The following HNF4G variants were observed in gnomAD, a reference collection of about 807,000 sequenced individuals.
HNF4G encodes the protein hepatocyte nuclear factor 4-gamma.
A neutral mutation model predicts 50.9 loss-of-function variants in HNF4G; 21 were observed. That is an observed-to-expected ratio of 0.41 (90% confidence interval 0.29 to 0.59). The LOEUF is 0.59. Ranked by LOEUF, HNF4G falls within the 20% of genes least tolerant of loss-of-function variation. HNF4G has a pLI of 0.26. For synonymous variants in HNF4G, 198 were observed against 185.6 expected (o/e 1.07, Z -0.54); for missense variants, 527 against 559.4 (o/e 0.94, Z 0.58).
intron 2 of HNF4G, among the ~76,000 whole-genome samples, chr8:75,531,676 A>G (rs1208718884): frequency 6.6e-6 from 1 of 152,104 alleles, no homozygotes; most frequent in African/African-American, 2.4e-5. Flanking sequence ...TAAATAAATG[A>G]AAAATAATAA....
intron 1 of HNF4G, among the ~76,000 whole-genome samples, chr8:75,476,766 C>A (rs1309812097): frequency 6.6e-6 from 1 of 152,090 alleles, no homozygotes; most frequent in Non-Finnish European, 1.5e-5. Context: ...GCTATGCAGG[C>A]CAGTTTAATC....
intron 9 of HNF4G, among the ~76,000 whole-genome samples, chr8:75,562,096 C>A (rs1807326748): frequency 6.6e-6 from 1 of 151,828 alleles, no homozygotes. Flanking sequence ...ACACTTATTG[C>A]CTACTGAATT....
chr8:75,457,082 C>T (rs1008922529), intron 1 of HNF4G, among the ~76,000 whole-genome samples: 2 of 152,138 alleles, frequency 1.3e-5, no homozygotes, highest in African/African-American at 4.8e-5. Context: ...TTATAATAGT[C>T]TCTAATATAT....
intron 1 of HNF4G, among the ~76,000 whole-genome samples, chr8:75,470,181 C>T (rs901724971): frequency 6.6e-6 from 1 of 152,140 alleles, no homozygotes; most frequent in Non-Finnish European, 1.5e-5. Context: ...AAGTCAGTGG[C>T]CTTCTCCTGG....
chr8:75,547,462 T>G (rs573767189), intron 2 of HNF4G, 125 bp from the exon 3 acceptor site: 1 of 666,720 alleles, frequency 1.5e-6, no homozygotes, highest in Non-Finnish European at 2.6e-6. Context: ...TCATAGCTGA[T>G]TGTTCCTATA....
chr8:75,539,167 A>G (rs757571287), upstream of HNF4G, among the ~76,000 whole-genome samples: 1 of 152,198 alleles, frequency 6.6e-6, no homozygotes, highest in East Asian at 1.9e-4. Context: ...GGATAATTTT[A>G]TTTCAGTTTA....
At chr8:75,479,577 ATTTTT>A (rs66931689) in intron 1 of HNF4G, among the ~76,000 whole-genome samples, 57 of 144,540 alleles carry the variant, frequency 3.9e-4, no homozygotes, top group African/African-American at 1.2e-3. Flanking sequence ...CTTCATTTGC[ATTTTT>A]TTTTTTTTTT....
intron 1 of HNF4G, among the ~76,000 whole-genome samples, chr8:75,450,410 A>T (rs1811557697): frequency 2.0e-5 from 3 of 152,214 alleles, no homozygotes; most frequent in African/African-American, 7.2e-5. Context: ...AGTATTCCTA[A>T]GGCCTGCAAC....
intron 1 of HNF4G, among the ~76,000 whole-genome samples, chr8:75,417,114 C>T (rs929742404): frequency 2.1e-4 from 16 of 75,548 alleles, no homozygotes; most frequent in Admixed American, 6.7e-4. Context: ...TGGTCGCACG[C>T]GTGTGCGCAC....
intron 1 of HNF4G, among the ~76,000 whole-genome samples, chr8:75,440,634 C>T (rs1585844818): frequency 6.6e-6 from 1 of 151,760 alleles, no homozygotes; most frequent in Non-Finnish European, 1.5e-5. Flanking sequence ...TATACCTTGT[C>T]CTGACCAAAA....
chr8:75,437,855 CAAACA>C (rs1363344389), intron 1 of HNF4G, among the ~76,000 whole-genome samples: 2 of 151,546 alleles, frequency 1.3e-5, no homozygotes, highest in African/African-American at 4.8e-5. Flanking sequence ...TTAGACAAAC[CAAACA>C]AGTTGTTCAT....
intron 1 of HNF4G, among the ~76,000 whole-genome samples, chr8:75,423,892 T>C (rs1365916876): frequency 7.2e-6 from 1 of 139,356 alleles, no homozygotes; most frequent in Non-Finnish European, 1.5e-5. Flanking sequence ...GGGGTGATCT[T>C]GGTGCACTGC....
At chr8:75,496,620 T>TA (rs1279938557) in intron 2 of HNF4G, among the ~76,000 whole-genome samples, 1 of 151,956 alleles carries the variant, frequency 6.6e-6, no homozygotes, top group Non-Finnish European at 1.5e-5. Flanking sequence ...CTTAATTTAT[T>TA]AAAAAAAGAA....
chr8:75,510,707 A>T lies in HNF4G; in HGVS notation c.-24+20499A>T, dbSNP rs944698590. ...GCCTAGGTGTGTAGTAGGTTATACCATCTAGGTTTGTGTAATTACACTGTA... is the reference window on the plus strand; with the variant it reads ...GCCTAGGTGTGTAGTAGGTTATACCTTCTAGGTTTGTGTAATTACACTGTA... On this transcript the variant is annotated intron_variant, in intron 2 of 10. Coordinates refer to the HNF4G transcript ENST00000354370. 3.8e-4 allele frequency among the ~76,000 whole-genome samples: 58 copies of T among 152,194 alleles called. 2 individuals carry two copies. Among genetic ancestry groups the T allele is most frequent in the Non-Finnish European group, 7.4e-5 (5 of 68,024 alleles).
Position 75,564,258 on chromosome 8 carries a change from T to C in HNF4G, c.*162T>C. On this transcript the variant is annotated 3_prime_UTR_variant, in exon 10 of 10. Transcript: ENST00000396423. ...TTGTTTATACGTTCATTCTGTTTGT[T>C]ATTGCTACTATGTAAAACTTTCACA... 1 of 650,286 alleles carries C rather than the reference T, an allele frequency of 1.5e-6. No homozygotes were observed. The highest frequency in any genetic ancestry group is 2.8e-5 in the East Asian group (1 of 35,170). The allele number at this position is 650,286 out of a possible 1,614,324, so 40.3% of individuals were successfully genotyped here.
chr8:75,417,295 G>A (rs1185193624), intron 1 of HNF4G, among the ~76,000 whole-genome samples: 2 of 152,170 alleles, frequency 1.3e-5, no homozygotes, highest in Non-Finnish European at 2.9e-5. Context: ...TGAATAGCTG[G>A]GATTACAGGG....
chr8:75,470,843 C>A (rs1414938293), intron 1 of HNF4G, among the ~76,000 whole-genome samples: 1 of 152,128 alleles, frequency 6.6e-6, no homozygotes, highest in African/African-American at 2.4e-5. Context: ...AAATATTAGT[C>A]AAATAATGCT....
intron 2 of HNF4G, among the ~76,000 whole-genome samples, chr8:75,504,230 GACAC>G (rs201513424): frequency 0.033 from 3,605 of 108,224 alleles, 59 homozygotes; most frequent in East Asian, 0.083. Flanking sequence ...AAAGCACACA[GACAC>G]ACACACACAC....
chr8:75,533,031 T>G (rs1467877014), intron 2 of HNF4G, among the ~76,000 whole-genome samples: 1 of 152,028 alleles, frequency 6.6e-6, no homozygotes. Context: ...CAGGGATTTT[T>G]CTCTATTTTT....
Sources: gnomAD v4.1 joint callset for allele counts (sites outside exome capture counted in the v4.1 genomes callset) on GRCh38, gnomAD v4.1.1 for gene constraint, MANE v1.5 for transcripts, NCBI Gene and HGNC (gene_info 2026-07-23, HGNC 2026-07-21) for gene names.